The following SPATS2L variants were observed in gnomAD, a reference collection of about 807,000 sequenced individuals.
The protein encoded by SPATS2L is SPATS2-like protein.
Under a neutral mutation model 59.6 loss-of-function variants are expected in SPATS2L, and 30 were observed. The ratio of observed to expected loss-of-function variants is 0.50; its 90% CI spans 0.38 to 0.68. The LOEUF (loss-of-function observed/expected upper bound fraction) is 0.68. Among genes scored for constraint, SPATS2L ranks in the 30% least tolerant of loss-of-function variants. SPATS2L has a pLI of 0.00. For synonymous variants in SPATS2L, 252 were observed against 263.5 expected (o/e 0.96, Z 0.42); for missense variants, 615 against 700.0 (o/e 0.88, Z 1.37).
chr2:200,317,753 G>T (rs1403339189), intron 1 of SPATS2L, among the ~76,000 whole-genome samples: 1 of 152,202 alleles, frequency 6.6e-6, no homozygotes, highest in East Asian at 1.9e-4. Context: ...GCAGGTTTTT[G>T]AATCTCTGAA....
In SPATS2L at chr2:200,479,866, G is replaced by T. The variant is rs901022311; in HGVS notation, c.*1835G>T. On this transcript the variant is annotated 3_prime_UTR_variant, in exon 13 of 13. Coordinates refer to ENST00000409140, the MANE Select transcript of SPATS2L (RefSeq NM_001100423.2). ...CTCTCTCTGTAGAGAGCTTTCTGAGGTCTCTGGGTGTACCCAGAGATTTAA... is the reference window on the plus strand; with the variant it reads ...CTCTCTCTGTAGAGAGCTTTCTGAGTTCTCTGGGTGTACCCAGAGATTTAA... 5 of 397,702 alleles carry T rather than the reference G, an allele frequency of 1.3e-5. No individual in the cohort carries two copies. The highest frequency in any genetic ancestry group is 4.1e-5 in the African/African-American group (2 of 48,612). 24.6% of individuals were successfully genotyped at this position (397,702 alleles called of 1,614,324 possible).
In SPATS2L at chr2:200,479,326, G is replaced by A. The variant is rs765802870; in HGVS notation, c.*1295G>A. 2.6e-6 allele frequency: 1 copy of A among 382,630 alleles called. No individual in the cohort carries two copies. The highest frequency in any genetic ancestry group is 4.6e-6 in the Non-Finnish European group (1 of 216,422). 23.7% of individuals were successfully genotyped at this position (382,630 alleles called of 1,614,324 possible). The stretch of plus-strand genomic sequence containing the variant: ...TCTATTTTCCACACTGTCCAGAGGA[G>A]AGAAGTTATCCTAGTAGCTTCTACA... On this transcript the variant is annotated 3_prime_UTR_variant, in exon 13 of 13. Coordinates refer to ENST00000409140, the MANE Select transcript of SPATS2L (RefSeq NM_001100423.2).
chr2:200,375,494 G>A (rs1212501901), intron 2 of SPATS2L, among the ~76,000 whole-genome samples: 1 of 152,152 alleles, frequency 6.6e-6, no homozygotes, highest in Admixed American at 6.6e-5. Context: ...TAGAAGGTTT[G>A]GGTGCTTATG....
chr2:200,313,659 C>G (rs2079267545), intron 1 of SPATS2L, among the ~76,000 whole-genome samples: 1 of 152,216 alleles, frequency 6.6e-6, no homozygotes, highest in African/African-American at 2.4e-5. Flanking sequence ...TCGCTTCTCT[C>G]TAGGTTTGGG....
chr2:200,324,989 A>G (rs980206193), intron 1 of SPATS2L, among the ~76,000 whole-genome samples: 4 of 152,192 alleles, frequency 2.6e-5, no homozygotes, highest in Admixed American at 6.5e-5. Context: ...AGGTACAGCA[A>G]CATATATCCA....
intron 9 of SPATS2L, among the ~76,000 whole-genome samples, chr2:200,464,743 T>C (rs1469565093): frequency 6.6e-6 from 1 of 151,738 alleles, no homozygotes. Flanking sequence ...CCTCCGAAAG[T>C]GCTAAGATAA....
At chr2:200,377,173 A>C (rs1158423622) in intron 2 of SPATS2L, among the ~76,000 whole-genome samples, 2 of 152,166 alleles carry the variant, frequency 1.3e-5, no homozygotes, top group Non-Finnish European at 2.9e-5. Flanking sequence ...TACTATTATT[A>C]TCCCTATTTT....
intron 1 of SPATS2L, among the ~76,000 whole-genome samples, chr2:200,313,234 G>A (rs2079252712): frequency 6.6e-6 from 1 of 152,208 alleles, no homozygotes; most frequent in South Asian, 2.1e-4. Flanking sequence ...CACCTGAAGT[G>A]ATATTTAGGA....
chr2:200,461,931 C>G (rs886302410), intron 9 of SPATS2L, among the ~76,000 whole-genome samples: 4 of 152,182 alleles, frequency 2.6e-5, no homozygotes, highest in African/African-American at 9.7e-5. Flanking sequence ...TCCTGAAATA[C>G]AGCAAGCTTT....
intron 6 of SPATS2L, among the ~76,000 whole-genome samples, chr2:200,433,223 A>G (rs1006656919): frequency 3.3e-5 from 5 of 152,196 alleles, no homozygotes; most frequent in Non-Finnish European, 7.4e-5. Context: ...ATCCAAATCC[A>G]CAGCAGTGTA....
chr2:200,329,609 C>G (rs2079869358), intron 2 of SPATS2L, 129 bp downstream of exon 2: 1 of 750,366 alleles, frequency 1.3e-6, no homozygotes, highest in African/African-American at 1.8e-5. Flanking sequence ...TCTCAGGGCT[C>G]AACACCAGAG....
chr2:200,426,010 C>T (rs2083553556), intron 6 of SPATS2L, among the ~76,000 whole-genome samples: 1 of 151,712 alleles, frequency 6.6e-6, no homozygotes, highest in South Asian at 2.1e-4. Context: ...GTCTGAACAG[C>T]CAGTGTTTTA....
At chr2:200,379,569 C>G (rs144985465) in intron 2 of SPATS2L, among the ~76,000 whole-genome samples, 9 of 152,106 alleles carry the variant, frequency 5.9e-5, no homozygotes, top group Non-Finnish European at 1.2e-4. Flanking sequence ...AAAGGGAACA[C>G]ATATTTCTTT....
chr2:200,460,021 A>G (rs2086123603), intron 9 of SPATS2L, among the ~76,000 whole-genome samples, 194 bp downstream of exon 9: 1 of 152,240 alleles, frequency 6.6e-6, no homozygotes. Flanking sequence ...GCAAAAAGAT[A>G]CAGTTGTAAC....
intron 12 of SPATS2L, among the ~76,000 whole-genome samples, chr2:200,476,220 C>T (rs935447327): frequency 7.2e-5 from 11 of 152,108 alleles, no homozygotes; most frequent in African/African-American, 2.7e-4. Flanking sequence ...TTAATAGAGG[C>T]TTCAAATTTT....
At chr2:200,431,071 T>C (rs796993918) in intron 6 of SPATS2L, among the ~76,000 whole-genome samples, 4 of 152,316 alleles carry the variant, frequency 2.6e-5, no homozygotes, top group African/African-American at 9.6e-5. Context: ...TGTATATAGA[T>C]TTGTGTGAAC....
chr2:200,465,686 G>A (rs988900600), intron 9 of SPATS2L, among the ~76,000 whole-genome samples: 5 of 152,194 alleles, frequency 3.3e-5, no homozygotes, highest in Admixed American at 6.5e-5. Context: ...AAAGCTGTAT[G>A]AGTTATAGAC....
At chr2:200,349,708 T>G (rs1196735688) in intron 2 of SPATS2L, among the ~76,000 whole-genome samples, 1 of 152,172 alleles carries the variant, frequency 6.6e-6, no homozygotes, top group Admixed American at 6.5e-5. Flanking sequence ...GTCAGGGGAA[T>G]TAATGACTAT....
At chr2:200,475,429 T>A (rs1179403919) in intron 12 of SPATS2L, among the ~76,000 whole-genome samples, 1 of 152,042 alleles carries the variant, frequency 6.6e-6, no homozygotes, top group Non-Finnish European at 1.5e-5. Context: ...TCCAGAAAGG[T>A]GGGACTACTG....
Sources: allele counts gnomAD v4.1 joint callset (sites outside exome capture counted in the v4.1 genomes callset), GRCh38; gene constraint gnomAD v4.1.1; transcripts MANE v1.5; gene names NCBI Gene and HGNC (gene_info 2026-07-23, HGNC 2026-07-21).